PUDP: variants seen among roughly 807,000 people sequenced by gnomAD.
PUDP encodes pseudouridine-5'-phosphatase.
Under a neutral mutation model 9.4 loss-of-function variants are expected in PUDP, and 8 were observed. That is an observed-to-expected ratio of 0.85 (90% CI 0.50 to 1.53). The LOEUF (loss-of-function observed/expected upper bound fraction) is 1.53, where lower values mean the gene tolerates loss of function less well. Ranked by LOEUF, PUDP falls within the 40% of genes most tolerant of loss-of-function variation. The pLI is 0.00. For missense variants in PUDP, 188 were observed against 189.7 expected, an observed-to-expected ratio of 0.99 and a Z score of 0.05; for synonymous variants, 99 against 80.7, an observed-to-expected ratio of 1.23 and a Z score of -1.22.
At chrX:6,996,970 C>T (rs1368376170) in intron 1 of PUDP, among the ~76,000 whole-genome samples, 1 of 110,530 alleles carries the variant, frequency 9.0e-6, no homozygotes, top group African/African-American at 3.3e-5. Flanking sequence ...CACAAGGCCC[C>T]TCCCATAATT....
At position 6,869,968 on chromosome X, in the gene PUDP, T is replaced by C. The variant is rs760811190; in HGVS notation, c.*247+107165A>G. Among the ~76,000 whole-genome samples the C allele has an allele frequency of 1.5e-4, 17 of 111,555 alleles. No homozygotes were observed. In the South Asian group the frequency reaches 6.1e-3, roughly 40 times the overall value. ...AAACATATTTGTACACTCATGTTCA[T>C]AGCAGCACTACTTACAATGGCCAAA... On this transcript the variant is annotated intron_variant and NMD_transcript_variant, in intron 3 of 3. Transcript: ENST00000655425.
chrX:7,109,219 G>T (rs1254678780), intron 1 of PUDP, among the ~76,000 whole-genome samples: 2 of 112,220 alleles, frequency 1.8e-5, no homozygotes, highest in Non-Finnish European at 3.8e-5. Context: ...TTCTCTGTGA[G>T]GGGGAGAAAG....
intron 3 of PUDP, among the ~76,000 whole-genome samples, chrX:6,900,389 T>C (rs1205392821): frequency 9.4e-6 from 1 of 106,168 alleles, no homozygotes; most frequent in African/African-American, 3.5e-5. Context: ...TTGAACATCC[T>C]ACAATGCACA....
rs750082407 is a variant in PUDP at position 7,009,606 on chromosome X, T to G, written c.205-31263A>C. 4.1e-4 allele frequency among the ~76,000 whole-genome samples: 45 copies of G among 110,168 alleles called. 1 individual carries two copies. Among genetic ancestry groups the G allele is most frequent in the African/African-American group, 1.5e-3 (44 of 30,212 alleles). On this transcript the variant is annotated intron_variant and NMD_transcript_variant, in intron 1 of 3. Coordinates refer to the PUDP transcript ENST00000655425. The stretch of plus-strand genomic sequence containing the variant: ...CAATGTAAGCATAGAATGCACTGGG[T>G]TTTTTTTTAATTATTATTATTAGCA...
intron 1 of PUDP, among the ~76,000 whole-genome samples, chrX:6,720,166 G>GTA (rs201729887): frequency 0.03 from 2,990 of 99,024 alleles, 135 homozygotes; most frequent in African/African-American, 0.1. Flanking sequence ...ATATATATGT[G>GTA]TATATATATG....
At chrX:7,053,389 C>T (rs1202909429) in intron 3 of PUDP, among the ~76,000 whole-genome samples, 3 of 111,567 alleles carry the variant, frequency 2.7e-5, no homozygotes, top group Non-Finnish European at 5.7e-5. Flanking sequence ...CTACTCAAAT[C>T]TCATCTTGAA....
intron 3 of PUDP, among the ~76,000 whole-genome samples, chrX:6,920,245 CCTTGGTCATTGGTCATCACCTAGGTT>C (rs750297129): frequency 4.7e-4 from 52 of 110,915 alleles, no homozygotes; most frequent in South Asian, 2.0e-3. Context: ...AGTCCAGAGC[CCTTGGTCATTGGTCATCACCTAGGTT>C]CTTGGTCATT....
chrX:7,087,953 T>C (rs971849124), intron 2 of PUDP, among the ~76,000 whole-genome samples: 27 of 111,692 alleles, frequency 2.4e-4, no homozygotes, highest in Non-Finnish European at 4.7e-4. Flanking sequence ...CTCTAGAATC[T>C]CGTTATCAGT....
chrX:6,844,935 G>A (rs1926722883), intron 3 of PUDP, among the ~76,000 whole-genome samples: 1 of 112,292 alleles, frequency 8.9e-6, no homozygotes, highest in South Asian at 3.7e-4. Flanking sequence ...GAAGATGAAT[G>A]TCCCAGCTCA....
intron 3 of PUDP, among the ~76,000 whole-genome samples, chrX:6,743,600 G>A (rs974981723): frequency 8.9e-6 from 1 of 112,031 alleles, no homozygotes; most frequent in African/African-American, 3.3e-5. Context: ...GGGGACATGA[G>A]AGCATGCAAG....
At chrX:6,988,616 T>C (rs1859332640) in intron 1 of PUDP, among the ~76,000 whole-genome samples, 3 of 111,819 alleles carry the variant, frequency 2.7e-5, no homozygotes, top group African/African-American at 9.8e-5. Flanking sequence ...TGACTTAATC[T>C]AAATGGGTCC....
chrX:6,892,461 C>G (rs781732151), intron 3 of PUDP, among the ~76,000 whole-genome samples: 1 of 111,231 alleles, frequency 9.0e-6, no homozygotes, highest in South Asian at 3.8e-4. Context: ...TGGCAGCAGA[C>G]AGGAGAGGAC....
chrX:6,914,323 A>G lies in PUDP; in HGVS notation c.*247+62810T>C, dbSNP rs188672085. Among the ~76,000 whole-genome samples, 56 of 111,705 alleles carry G rather than the reference A, an allele frequency of 5.0e-4. 3 individuals are homozygous for G. In the East Asian group the frequency reaches 0.015, roughly 29 times the overall value. On this transcript the variant is annotated intron_variant and NMD_transcript_variant, in intron 3 of 3. Transcript: ENST00000655425. ...ACACACTGTTTTCTTGTTTTCTTGCATCTGCTTTGGTGATTAATTTCCCTT... is the reference window on the plus strand; with the variant it reads ...ACACACTGTTTTCTTGTTTTCTTGCGTCTGCTTTGGTGATTAATTTCCCTT...
At chrX:6,866,885 T>C (rs1034939314) in intron 3 of PUDP, among the ~76,000 whole-genome samples, 2 of 111,295 alleles carry the variant, frequency 1.8e-5, no homozygotes, top group African/African-American at 6.5e-5. Context: ...CAGCGGGACA[T>C]CACCCAACTT....
intron 1 of PUDP, among the ~76,000 whole-genome samples, chrX:6,708,469 C>A (rs1279076759): frequency 8.9e-6 from 1 of 111,763 alleles, no homozygotes; most frequent in Non-Finnish European, 1.9e-5. Context: ...GAGATTGTAT[C>A]TGTGGAATCC....
At chrX:6,987,749 A>G (rs1351797211) in intron 1 of PUDP, among the ~76,000 whole-genome samples, 2 of 112,108 alleles carry the variant, frequency 1.8e-5, no homozygotes, top group African/African-American at 6.5e-5. Context: ...CAGATACCAT[A>G]TGGCCCAAAA....
chrX:6,889,326 TTTTTA>T (rs748325162), intron 3 of PUDP, among the ~76,000 whole-genome samples: 96 of 111,819 alleles, frequency 8.6e-4, no homozygotes, highest in Admixed American at 2.1e-3. Flanking sequence ...TTTATCTTGC[TTTTTA>T]TTTTATTTTT....
intron 3 of PUDP, among the ~76,000 whole-genome samples, chrX:6,974,399 A>G (rs1335913646): frequency 1.8e-5 from 2 of 112,036 alleles, no homozygotes; most frequent in Non-Finnish European, 1.9e-5. Flanking sequence ...CTTGTAAGGC[A>G]GGCCTGGTGG....
chrX:7,076,339 A>AGGGGAAGCAGGCATTTGCAGAGACTCCC (rs1930900973), intron 3 of PUDP, among the ~76,000 whole-genome samples: 1 of 111,679 alleles, frequency 9.0e-6, no homozygotes, highest in Non-Finnish European at 1.9e-5. Context: ...GCAGGAACCC[A>AGGGGAAGCAGGCATTTGCAGAGACTCCC]GGGGAAGCAG....
Sources: allele counts gnomAD v4.1 joint callset (sites outside exome capture counted in the v4.1 genomes callset), GRCh38; gene constraint gnomAD v4.1.1; transcripts MANE v1.5; gene names NCBI Gene and HGNC (gene_info 2026-07-23, HGNC 2026-07-21).